The following KBTBD11 variants were observed in gnomAD, a reference collection of about 807,000 sequenced individuals.
KBTBD11 encodes the protein kelch repeat and BTB domain-containing protein 11.
For missense variants in KBTBD11, 1,390 were observed against 1,001.8 expected (o/e 1.39, Z -5.23); for synonymous variants, 747 against 499.0 (o/e 1.50, Z -6.63).
rs1817512591 is a variant in KBTBD11, at chr8:2,004,494, G to A, written c.*1430G>A. 6.0e-6 allele frequency: 1 copy of A among 167,086 alleles called. No individual in the cohort carries two copies. The highest frequency in any genetic ancestry group is 1.5e-5 in the Non-Finnish European group (1 of 68,126). 10.4% of individuals were successfully genotyped at this position (167,086 alleles called of 1,614,324 possible). Reference sequence around the variant, plus strand: ...TTAATATTATTTGTTTGTTAATCCAGTAATGGGAACTGCCATCTCTGTAGA... The same window carrying A: ...TTAATATTATTTGTTTGTTAATCCAATAATGGGAACTGCCATCTCTGTAGA... On this transcript the variant is annotated 3_prime_UTR_variant, in exon 2 of 2. Coordinates refer to ENST00000320248, the MANE Select transcript of KBTBD11 (RefSeq NM_014867.3).
intron 1 of KBTBD11, among the ~76,000 whole-genome samples, chr8:1,987,725 T>TTTGTTATTATTA (rs1816751769): frequency 6.7e-6 from 1 of 149,252 alleles, no homozygotes; most frequent in Admixed American, 6.7e-5. Flanking sequence ...TTTTGGAGCC[T>TTTGTTATTATTA]TTATTATTAT....
intron 1 of KBTBD11, among the ~76,000 whole-genome samples, chr8:1,992,076 G>A (rs1386391297): frequency 6.6e-6 from 1 of 152,030 alleles, no homozygotes; most frequent in Non-Finnish European, 1.5e-5. Context: ...AAAGGTCCCT[G>A]AGCAGCACCT....
chr8:2,003,659 T>G lies in KBTBD11; in HGVS notation c.*595T>G. 6.0e-6 allele frequency: 1 copy of G among 167,108 alleles called. No homozygotes were observed. Among genetic ancestry groups the G allele is most frequent in the East Asian group, 1.9e-4 (1 of 5,200 alleles). 10.4% of individuals were successfully genotyped at this position (167,108 alleles called of 1,614,324 possible). On this transcript the variant is annotated 3_prime_UTR_variant, in exon 2 of 2. Transcript: ENST00000320248. ...ATCTTTGATTACCAGTAAGGTTTCT[T>G]GTTCAATATGCATTGGAAGTATTTC...
chr8:2,002,200 G>C lies in KBTBD11; in HGVS notation c.1008G>C (p.Glu336Asp). 7.9e-6 allele frequency: 10 copies of C among 1,258,872 alleles called. No homozygotes were observed. Among genetic ancestry groups the C allele is most frequent in the Non-Finnish European group, 9.9e-6 (10 of 1,005,138 alleles). The allele number at this position is 1,258,872 out of a possible 1,614,324, so 78.0% of individuals were successfully genotyped here. Reference sequence around the variant, plus strand: ...ACTGCTTCCACGCGGCGGCCGGAGAGTGGCGCGAGCTGACGCGGCTGCCCG... The same window carrying C: ...ACTGCTTCCACGCGGCGGCCGGAGACTGGCGCGAGCTGACGCGGCTGCCCG... ...AVYCFHAAAG[E>D]WRELTRLPEG... is the part of the protein sequence containing the mutation. The change falls in exon 2 of 2, where the codon GAG becomes GAC. Residue 336 changes from glutamate (E) to aspartate (D), a missense_variant. By Grantham distance (45) the Glu-to-Asp change is conservative. Coordinates refer to ENST00000320248, the MANE Select transcript of KBTBD11 (RefSeq NM_014867.3). This position sits in a 1 kb window ranked among gnomAD's most constrained non-coding sequence, Gnocchi z 4.1.
intron 1 of KBTBD11, among the ~76,000 whole-genome samples, chr8:1,995,087 A>C (rs1436695087): frequency 6.6e-6 from 1 of 151,468 alleles, no homozygotes; most frequent in African/African-American, 2.4e-5. Flanking sequence ...AAAAAAGCTA[A>C]AAGAGTATAT....
chr8:1,989,584 T>A (rs774729937), intron 1 of KBTBD11, among the ~76,000 whole-genome samples: 7 of 152,178 alleles, frequency 4.6e-5, no homozygotes, highest in African/African-American at 1.2e-4. Context: ...TTGCATTTTT[T>A]AAAAAATCCA....
chr8:2,002,295 C>T lies in KBTBD11; in HGVS notation c.1103C>T (p.Ala368Val), dbSNP rs778206703. The change falls in exon 2 of 2, where the codon GCG becomes GTG. Residue 368 changes from alanine to valine, a missense_variant. Physicochemically the swap from Ala to Val is moderately conservative, Grantham distance 64. Coordinates refer to ENST00000320248, the MANE Select transcript of KBTBD11 (RefSeq NM_014867.3). This position sits in a 1 kb window ranked among gnomAD's most constrained non-coding sequence, Gnocchi z 4.1. ...TACCTCTTCGTGGCGGGCGGCGTGG[C>T]GCCCGCGGGCCCCGACGGCCGCGCG... is the stretch of plus-strand genomic sequence containing the variant. ...YNYLFVAGGV[A>V]PAGPDGRARP... 7 of 1,334,056 alleles carry T rather than the reference C, an allele frequency of 5.2e-6. No individual in the cohort carries two copies. The highest frequency in any genetic ancestry group is 2.8e-4 in the Middle Eastern group (1 of 3,552). The allele number at this position is 1,334,056 out of a possible 1,614,324, so 82.6% of individuals were successfully genotyped here.
Position 2,001,274 on chromosome 8 carries a change from G to A in KBTBD11, c.82G>A (p.Ala28Thr). 6.6e-7 allele frequency: 1 copy of A among 1,518,290 alleles called. No homozygotes were observed. Among genetic ancestry groups the A allele is most frequent in the Non-Finnish European group, 8.8e-7 (1 of 1,140,416 alleles). 94.1% of individuals were successfully genotyped at this position (1,518,290 alleles called of 1,614,324 possible). The change falls in exon 2 of 2, where the codon GCG becomes ACG. Residue 28 changes from alanine to threonine, a missense_variant. Ala to Thr is a moderately conservative substitution (Grantham distance 58, BLOSUM62 0). Transcript: ENST00000320248. Reference protein sequence around the residue: ...AAGESESEGAASPAQTPCSLG... With the variant: ...AAGESESEGATSPAQTPCSLG... Reference sequence around the variant, plus strand: ...CGGGGAGAGCGAGAGCGAGGGCGCCGCGTCCCCGGCGCAGACACCCTGCAG... The same window carrying A: ...CGGGGAGAGCGAGAGCGAGGGCGCCACGTCCCCGGCGCAGACACCCTGCAG...
At position 2,004,019 on chromosome 8, in the gene KBTBD11, G is replaced by A. The variant is rs1349577641; in HGVS notation, c.*955G>A. ...GACAGTTCTATAAAAAAAAGTGTAG[G>A]CACATTTTAAACCCACTGTATATGA... On this transcript the variant is annotated 3_prime_UTR_variant, in exon 2 of 2. Transcript: ENST00000320248. 6.0e-6 allele frequency: 1 copy of A among 166,770 alleles called. No homozygotes were observed. The highest frequency in any genetic ancestry group is 1.5e-5 in the Non-Finnish European group (1 of 68,114). The allele number at this position is 166,770 out of a possible 1,614,324, so 10.3% of individuals were successfully genotyped here.
intron 1 of KBTBD11, among the ~76,000 whole-genome samples, chr8:1,999,441 G>A (rs948872417): frequency 6.6e-6 from 1 of 152,156 alleles, no homozygotes; most frequent in Non-Finnish European, 1.5e-5. Flanking sequence ...TCTTTAGAAG[G>A]CCAGAATGAA....
At chr8:1,981,239 A>G (rs928814646) in intron 1 of KBTBD11, among the ~76,000 whole-genome samples, 3 of 152,232 alleles carry the variant, frequency 2.0e-5, no homozygotes, top group Admixed American at 6.5e-5. Flanking sequence ...CCAAGCAAAC[A>G]TCAGCTGAGG....
Position 1,973,693 on chromosome 8 carries a change from C to T in KBTBD11, c.-1151C>T, listed in dbSNP as rs1206912416. 1.1e-5 allele frequency: 11 copies of T among 983,672 alleles called. No homozygotes were observed. Among genetic ancestry groups the T allele is most frequent in the Middle Eastern group, 5.2e-4 (1 of 1,932 alleles). 60.9% of individuals were successfully genotyped at this position (983,672 alleles called of 1,614,324 possible). A position where few individuals can be genotyped will look rare whatever the true frequency, so the allele number is the denominator to read the frequency against. ...CCCCTCCCCGCGCCCCGCGCGCGCC[C>T]CTCGCAGCCTGGAGCCGGAGCGCTG... On this transcript the variant is annotated 5_prime_UTR_variant, in exon 1 of 2. Transcript: ENST00000320248.
Position 2,002,731 on chromosome 8 carries a change from G to A in KBTBD11, c.1539G>A (p.Glu513=). 1 of 1,504,180 alleles carries A rather than the reference G, an allele frequency of 6.6e-7. No homozygotes were observed. The highest frequency in any genetic ancestry group is 8.8e-7 in the Non-Finnish European group (1 of 1,133,568). The allele number at this position is 1,504,180 out of a possible 1,614,324, so 93.2% of individuals were successfully genotyped here. ...YRFDLSGSRG[E]AQAAGPSGVS... ...TCGATCTGAGCGGCAGCCGCGGCGA[G>A]GCGCAGGCGGCGGGGCCGAGCGGGG... The change falls in exon 2 of 2, where the codon GAG becomes GAA. Residue 513 remains glutamate (E), a synonymous_variant. Coordinates refer to ENST00000320248, the MANE Select transcript of KBTBD11 (RefSeq NM_014867.3). The surrounding 1 kb of genome is among the most constrained non-coding windows in gnomAD (Gnocchi z 4.1).
At chr8:1,997,460 G>C (rs918966804) in intron 1 of KBTBD11, among the ~76,000 whole-genome samples, 2 of 151,908 alleles carry the variant, frequency 1.3e-5, no homozygotes, top group African/African-American at 4.8e-5. Context: ...AGACAGAAAA[G>C]GGCCTCCTGC....
At chr8:1,984,852 G>A (rs891245029) in intron 1 of KBTBD11, among the ~76,000 whole-genome samples, 16 of 152,168 alleles carry the variant, frequency 1.1e-4, no homozygotes, top group Admixed American at 1.3e-4. Context: ...GGCCACGTAC[G>A]TTTCAGGCCA....
In KBTBD11 at chr8:2,006,842, C is replaced by G. The variant is rs911849143; in HGVS notation, c.*3778C>G. 2.2e-4 allele frequency: 37 copies of G among 167,056 alleles called. No homozygotes were observed. The highest frequency in any genetic ancestry group is 8.7e-4 in the African/African-American group (36 of 41,462). The allele number at this position is 167,056 out of a possible 1,614,324, so 10.3% of individuals were successfully genotyped here. A position where few individuals can be genotyped will look rare whatever the true frequency, so the allele number is the denominator to read the frequency against. ...TGTGTAGTTAATGTATTTATTAATGCTTGACTTTTAAAATCCTGGGCATAA... is the reference window on the plus strand; with the variant it reads ...TGTGTAGTTAATGTATTTATTAATGGTTGACTTTTAAAATCCTGGGCATAA... On this transcript the variant is annotated 3_prime_UTR_variant, in exon 2 of 2. Coordinates refer to ENST00000320248, the MANE Select transcript of KBTBD11 (RefSeq NM_014867.3).
At position 2,001,244 on chromosome 8, in the gene KBTBD11, G is replaced by A; in HGVS notation, c.52G>A (p.Ala18Thr). 1.3e-6 allele frequency: 2 copies of A among 1,491,902 alleles called. No individual in the cohort carries two copies. The highest frequency in any genetic ancestry group is 2.7e-5 in the East Asian group (1 of 36,476). The allele number at this position is 1,491,902 out of a possible 1,614,324, so 92.4% of individuals were successfully genotyped here. A position where few individuals can be genotyped will look rare whatever the true frequency, so the allele number is the denominator to read the frequency against. ...CCTCTACCCAGGGACTGAGCCCGGG[G>A]CTGCCGGGGAGAGCGAGAGCGAGGG... ...CVLYPGTEPG[A>T]AGESESEGAA... The change falls in exon 2 of 2, where the codon GCT becomes ACT. Residue 18 changes from alanine (A) to threonine (T), a missense_variant. Physicochemically the swap from Ala to Thr is moderately conservative, Grantham distance 58 (BLOSUM62 0). Transcript: ENST00000320248.
chr8:1,976,829 G>A (rs1428502783), intron 1 of KBTBD11, among the ~76,000 whole-genome samples: 4 of 152,200 alleles, frequency 2.6e-5, no homozygotes, highest in African/African-American at 9.6e-5. Context: ...GAGCCCAGGA[G>A]GGGACAGTTT....
At chr8:1,984,594 TA>T (rs1009363003) in intron 1 of KBTBD11, among the ~76,000 whole-genome samples, 21 of 152,112 alleles carry the variant, frequency 1.4e-4, no homozygotes, top group South Asian at 6.2e-4. Context: ...GCCCCGTCTC[TA>T]AAAAAATGTT....
Sources: allele counts gnomAD v4.1 joint callset (sites outside exome capture counted in the v4.1 genomes callset), GRCh38; gene constraint gnomAD v4.1.1; non-coding constraint Gnocchi (gnomAD v3.1); transcripts MANE v1.5; gene names NCBI Gene and HGNC (gene_info 2026-07-23, HGNC 2026-07-21).